FGF14: variants seen among roughly 807,000 people sequenced by gnomAD.
FGF14 encodes fibroblast growth factor homologous factor 4.
Under a neutral mutation model 25.5 loss-of-function variants are expected in FGF14, and 5 were observed. The observed-to-expected ratio is 0.20, with a 90% CI of 0.10 to 0.41. The LOEUF is 0.41. FGF14 is among the 10% of genes least tolerant of loss of function. FGF14 has a pLI of 1.00. For synonymous variants in FGF14, 138 were observed against 118.3 expected, an observed-to-expected ratio of 1.17 and a Z score of -1.08; for missense variants, 222 against 320.1, an observed-to-expected ratio of 0.69 and a Z score of 2.34.
chr13:102,093,977 G>A (rs1306710353), intron 1 of FGF14, among the ~76,000 whole-genome samples: 2 of 148,696 alleles, frequency 1.3e-5, no homozygotes, highest in African/African-American at 5.0e-5. Flanking sequence ...CTATAAGAAA[G>A]GCATATCTAT....
At chr13:101,982,552 T>C (rs1321973029) in intron 1 of FGF14, among the ~76,000 whole-genome samples, 2 of 152,206 alleles carry the variant, frequency 1.3e-5, no homozygotes, top group Non-Finnish European at 2.9e-5. Context: ...GTCTAACTTG[T>C]AGGATATTCT....
At chr13:102,337,742 G>A (rs991005822) in intron 1 of FGF14, among the ~76,000 whole-genome samples, 6 of 151,910 alleles carry the variant, frequency 3.9e-5, no homozygotes, top group African/African-American at 7.3e-5. Flanking sequence ...CTTGAGCAAC[G>A]ACCACCCTGA....
chr13:102,044,810 AT>A (rs1170660643), intron 1 of FGF14, among the ~76,000 whole-genome samples: 1 of 152,112 alleles, frequency 6.6e-6, no homozygotes, highest in Non-Finnish European at 1.5e-5. Flanking sequence ...AATTTCAAGC[AT>A]TTTATTTGGC....
At chr13:101,936,862 C>G (rs2035138010) in intron 1 of FGF14, among the ~76,000 whole-genome samples, 5 of 152,128 alleles carry the variant, frequency 3.3e-5, no homozygotes, top group Admixed American at 2.6e-4. Flanking sequence ...CTTAATTTAC[C>G]ATCCATAAGA....
At chr13:101,888,110 G>C (rs1412614650) in intron 1 of FGF14, among the ~76,000 whole-genome samples, 1 of 152,116 alleles carries the variant, frequency 6.6e-6, no homozygotes, top group Non-Finnish European at 1.5e-5. Context: ...GATAACAGTA[G>C]GTGAGGCTGA....
At chr13:102,363,464 A>C (rs1409549187) in intron 1 of FGF14, among the ~76,000 whole-genome samples, 1 of 152,236 alleles carries the variant, frequency 6.6e-6, no homozygotes. Context: ...TGAGATAAGA[A>C]GTATTAAGAG....
chr13:101,904,093 G>A (rs2031924409), intron 1 of FGF14, among the ~76,000 whole-genome samples: 1 of 152,198 alleles, frequency 6.6e-6, no homozygotes, highest in Admixed American at 6.5e-5. Context: ...ACTGAAAGCT[G>A]AGAGGCATCT....
chr13:101,981,695 G>A (rs1594897975), intron 1 of FGF14, among the ~76,000 whole-genome samples: 1 of 152,256 alleles, frequency 6.6e-6, no homozygotes, highest in South Asian at 2.1e-4. Context: ...ATACTAGGGT[G>A]GGAAGAAGGA....
intron 1 of FGF14, among the ~76,000 whole-genome samples, chr13:101,954,372 C>T (rs540392212): frequency 6.6e-6 from 1 of 152,136 alleles, no homozygotes; most frequent in African/African-American, 2.4e-5. Flanking sequence ...CAAATAATGT[C>T]CCTGGTCTAA....
At chr13:101,804,124 G>A (rs2140149483) in intron 3 of FGF14, among the ~76,000 whole-genome samples, 1 of 152,188 alleles carries the variant, frequency 6.6e-6, no homozygotes, top group Admixed American at 6.5e-5. Flanking sequence ...TGGTCCAGAT[G>A]GGGAATCTAT....
chr13:102,240,218 T>G (rs1322569063), intron 1 of FGF14, among the ~76,000 whole-genome samples: 1 of 152,088 alleles, frequency 6.6e-6, no homozygotes, highest in Non-Finnish European at 1.5e-5. Context: ...GAACAGGAGT[T>G]TAGAAGGTAC....
At chr13:101,796,584 C>T (rs369532153) in intron 3 of FGF14, among the ~76,000 whole-genome samples, 60 of 151,956 alleles carry the variant, frequency 3.9e-4, no homozygotes, top group African/African-American at 1.4e-3. Flanking sequence ...AAGACAAATA[C>T]GATCATGAAG....
chr13:102,096,360 T>G (rs2044399408), intron 1 of FGF14, among the ~76,000 whole-genome samples: 1 of 152,110 alleles, frequency 6.6e-6, no homozygotes. Context: ...GTGACCAATG[T>G]CCTGGTATGC....
chr13:102,060,241 C>T (rs556182186), intron 1 of FGF14, among the ~76,000 whole-genome samples: 1 of 151,970 alleles, frequency 6.6e-6, no homozygotes, highest in Non-Finnish European at 1.5e-5. Context: ...AGAAATAAAT[C>T]TGGGCAGGTC....
chr13:102,125,856 A>G (rs1303314722), intron 1 of FGF14, among the ~76,000 whole-genome samples: 1 of 152,164 alleles, frequency 6.6e-6, no homozygotes, highest in Non-Finnish European at 1.5e-5. Flanking sequence ...CTGTGGATAT[A>G]GTCGATGAAA....
intron 1 of FGF14, among the ~76,000 whole-genome samples, chr13:102,090,735 T>G (rs567162875): frequency 6.6e-6 from 1 of 152,202 alleles, no homozygotes; most frequent in African/African-American, 2.4e-5. Flanking sequence ...TTTCCATTAA[T>G]GCCTGTCCAT....
chr13:101,822,684 A>G lies in FGF14; in HGVS notation c.408+46041T>C, dbSNP rs538376754. On this transcript the variant is annotated intron_variant, in intron 3 of 4. Transcript: ENST00000376143. ...TTGTGTAACGATCAAATCAGGGCCA[A>G]TTGGAATATTCATGACCTCAAACAT... is the stretch of plus-strand genomic sequence containing the variant. Among the ~76,000 whole-genome samples, 16 of 152,306 alleles carry G rather than the reference A, an allele frequency of 1.1e-4. 1 individual carries two copies. Among genetic ancestry groups the G allele is most frequent in the African/African-American group, 3.8e-4 (16 of 41,580 alleles).
chr13:102,362,270 G>C (rs1431120211), intron 1 of FGF14, among the ~76,000 whole-genome samples: 8 of 152,046 alleles, frequency 5.3e-5, no homozygotes, highest in African/African-American at 1.7e-4. Context: ...TCGTGATTTT[G>C]CTGGGACTGT....
intron 1 of FGF14, among the ~76,000 whole-genome samples, chr13:101,988,862 AAAAAT>A (rs1238902063): frequency 1.3e-5 from 2 of 152,216 alleles, no homozygotes; most frequent in East Asian, 3.9e-4. Context: ...ATAATAATAA[AAAAAT>A]AAAATATATG....
Sources: allele counts gnomAD v4.1 joint callset (sites outside exome capture counted in the v4.1 genomes callset), GRCh38; gene constraint gnomAD v4.1.1; transcripts MANE v1.5; gene names NCBI Gene and HGNC (gene_info 2026-07-23, HGNC 2026-07-21).